PCDHGA6: variants seen among roughly 807,000 people sequenced by gnomAD.
PCDHGA6 encodes the protein protocadherin gamma-A6.
PCDHGA6 carries 41 observed loss-of-function variants against 60.6 expected under a neutral mutation model. The observed-to-expected ratio is 0.68, with a 90% CI of 0.53 to 0.88. The LOEUF is 0.88. Ranked by LOEUF, PCDHGA6 falls within the 40% of genes least tolerant of loss-of-function variation. The pLI, the probability that PCDHGA6 is intolerant of heterozygous loss-of-function variation, is 0.00. For missense variants in PCDHGA6, 1,312 were observed against 1,203.0 expected (o/e 1.09, Z -1.34); for synonymous variants, 594 against 524.4 (o/e 1.13, Z -1.81).
At chr5:141,402,807 T>TA in intron 1 of PCDHGA6, 1 of 1,165,464 alleles carries the variant, frequency 8.6e-7, no homozygotes, top group Non-Finnish European at 1.2e-6. Flanking sequence ...ACCCGGCAGA[T>TA]ACCACAAACC....
At chr5:141,408,929 A>G in intron 1 of PCDHGA6, 1 of 1,613,518 alleles carries the variant, frequency 6.2e-7, no homozygotes, top group Non-Finnish European at 8.5e-7. Context: ...CCCGGTTTTC[A>G]GCAGAGACGA....
intron 1 of PCDHGA6, among the ~76,000 whole-genome samples, chr5:141,402,262 TA>T (rs1248031439): frequency 6.6e-6 from 1 of 151,912 alleles, no homozygotes; most frequent in Non-Finnish European, 1.5e-5. Context: ...CCCCAGAAAA[TA>T]ATTTCAAAGT....
rs2099417434 is a variant in PCDHGA6, at chr5:141,477,762, C to T, written c.2425-17045C>T. 1 of 1,613,968 alleles carries T rather than the reference C, an allele frequency of 6.2e-7. No homozygotes were observed. The highest frequency in any genetic ancestry group is 8.5e-7 in the Non-Finnish European group (1 of 1,180,032). On this transcript the variant is annotated intron_variant, in intron 1 of 3. Transcript: ENST00000517434. This position sits in a 1 kb window ranked among gnomAD's most constrained non-coding sequence, Gnocchi z 4.9. ...GATGGGGGCACCCCGGTCCTAGCCA[C>T]CAACATCAGCGTGAACATATTTGTC...
chr5:141,464,898 C>T (rs969877255), intron 1 of PCDHGA6, among the ~76,000 whole-genome samples: 4 of 151,958 alleles, frequency 2.6e-5, no homozygotes, highest in African/African-American at 4.8e-5. Flanking sequence ...GCCACCATGT[C>T]CAGCTAATTT....
In PCDHGA6 at chr5:141,374,464, T is replaced by C; in HGVS notation, c.381T>C (p.Asn127=). 6.2e-7 allele frequency: 1 copy of C among 1,613,434 alleles called. No individual in the cohort carries two copies. Among genetic ancestry groups the C allele is most frequent in the Non-Finnish European group, 8.5e-7 (1 of 1,179,422 alleles). Residue 127 remains asparagine (N), a synonymous_variant, in exon 1 of 4, where the codon AAT becomes AAC. Transcript: ENST00000517434. ...YPVEVEIVDI[N]DNTPRFLKEE... is the part of the protein sequence containing the mutation. Reference sequence around the variant, plus strand: ...TGGAAGTGGAAATAGTGGACATTAATGACAATACACCCCGATTCTTAAAGG... The same window carrying C: ...TGGAAGTGGAAATAGTGGACATTAACGACAATACACCCCGATTCTTAAAGG...
At chr5:141,503,836 A>G (rs1260399957) in intron 2 of PCDHGA6, among the ~76,000 whole-genome samples, 4 of 152,142 alleles carry the variant, frequency 2.6e-5, no homozygotes, top group Admixed American at 6.5e-5. Flanking sequence ...AAAAGCAGGG[A>G]CAGACCTTGG....
chr5:141,409,275 A>G (rs1266955919), intron 1 of PCDHGA6: 1 of 1,614,020 alleles, frequency 6.2e-7, no homozygotes, highest in South Asian at 1.1e-5. Flanking sequence ...CAGATTTTGG[A>G]GAATTCACCT....
At chr5:141,509,670 T>G (rs2099877782) in intron 3 of PCDHGA6, among the ~76,000 whole-genome samples, 1 of 152,136 alleles carries the variant, frequency 6.6e-6, no homozygotes, top group African/African-American at 2.4e-5. Flanking sequence ...TGGGCCCCAG[T>G]TTCTTCTTCT....
chr5:141,423,159 G>A lies in PCDHGA6; in HGVS notation c.2424+46652G>A, dbSNP rs750186629. On this transcript the variant is annotated intron_variant, in intron 1 of 3. Transcript: ENST00000517434. Reference sequence around the variant, plus strand: ...GAGACGCGCTCAAGCAGAGCCTCGTGGTGGCCGTCCAGGACCACGGCCAGC... The same window carrying A: ...GAGACGCGCTCAAGCAGAGCCTCGTAGTGGCCGTCCAGGACCACGGCCAGC... The A allele has an allele frequency of 1.9e-5, 31 of 1,610,746 alleles. 1 individual carries two copies. The highest frequency in any genetic ancestry group is 3.3e-4 in the Middle Eastern group (2 of 6,080).
intron 1 of PCDHGA6, chr5:141,441,955 A>G: frequency 3.1e-6 from 1 of 320,028 alleles, no homozygotes; most frequent in Non-Finnish European, 6.0e-6. Context: ...GCAGGCCAGC[A>G]AGCCCAGGCT....
At position 141,487,577 on chromosome 5, in the gene PCDHGA6, C is replaced by T; in HGVS notation, c.2425-7230C>T. 1 of 1,614,150 alleles carries T rather than the reference C, an allele frequency of 6.2e-7. No homozygotes were observed. Among genetic ancestry groups the T allele is most frequent in the Non-Finnish European group, 8.5e-7 (1 of 1,180,024 alleles). On this transcript the variant is annotated intron_variant, in intron 1 of 3. Transcript: ENST00000517434. This position sits in a 1 kb window ranked among gnomAD's most constrained non-coding sequence, Gnocchi z 5.0. ...ACCTATGGCAGGGGAGCCTGTTCGCCCAAGCTGCCCACCCTCTGATCTTCT... is the reference window on the plus strand; with the variant it reads ...ACCTATGGCAGGGGAGCCTGTTCGCTCAAGCTGCCCACCCTCTGATCTTCT...
chr5:141,507,101 T>C (rs1341285140), intron 3 of PCDHGA6: 2 of 152,204 alleles, frequency 1.3e-5, no homozygotes, highest in African/African-American at 2.4e-5. Flanking sequence ...CTTTCTACTA[T>C]AGGGACCATG....
chr5:141,409,442 C>T, intron 1 of PCDHGA6: 2 of 1,613,998 alleles, frequency 1.2e-6, no homozygotes, highest in Non-Finnish European at 1.7e-6. Flanking sequence ...GGACCGAGAG[C>T]AGACACCAGA....
chr5:141,416,585 A>T (rs2096043494), intron 1 of PCDHGA6: 2 of 152,244 alleles, frequency 1.3e-5, no homozygotes, highest in Non-Finnish European at 2.9e-5. Context: ...GAGGCAAAAT[A>T]AACTTAGAGT....
chr5:141,409,629 C>T (rs1379627250), intron 1 of PCDHGA6: 3 of 1,613,860 alleles, frequency 1.9e-6, no homozygotes, highest in East Asian at 4.5e-5. Flanking sequence ...CAAGTGAGCG[C>T]CTCTGACCCG....
chr5:141,415,590 A>G lies in PCDHGA6; in HGVS notation c.2424+39083A>G, dbSNP rs201666137. On this transcript the variant is annotated intron_variant, in intron 1 of 3. Transcript: ENST00000517434. ...TGTTAGATGATTCGAAGTTTCCTAT[A>G]GAGGATACCCCATTGGTTCCAGTGA... 60 of 1,613,946 alleles carry G rather than the reference A, an allele frequency of 3.7e-5. 1 individual carries two copies. The African/African-American group carries it at 7.2e-4, about 19-fold the overall frequency.
Position 141,486,484 on chromosome 5 carries a change from C to A in PCDHGA6, c.2425-8323C>A. On this transcript the variant is annotated intron_variant, in intron 1 of 3. Transcript: ENST00000517434. This position sits in a 1 kb window ranked among gnomAD's most constrained non-coding sequence, Gnocchi z 5.0. ...ATGCTGGGAACCCTCCTCTCAGTAC[C>A]CACAGAACTATTTTCCTCAATATTT... is the stretch of plus-strand genomic sequence containing the variant. 5 of 1,614,102 alleles carry A rather than the reference C, an allele frequency of 3.1e-6. No homozygotes were observed. Among genetic ancestry groups the A allele is most frequent in the Non-Finnish European group, 4.2e-6 (5 of 1,179,930 alleles).
rs1460389320 is a variant in PCDHGA6 at position 141,490,134 on chromosome 5, C to T, written c.2425-4673C>T. The T allele has an allele frequency of 2.5e-6, 4 of 1,614,114 alleles. No homozygotes were observed. Among genetic ancestry groups the T allele is most frequent in the Admixed American group, 3.3e-5 (2 of 59,998 alleles). ...GGAACCTCTTTGGCCTAGACCCTAG[C>T]AGTGGGGCAATCCATGTGTTGGGTC... On this transcript the variant is annotated intron_variant, in intron 1 of 3. Coordinates refer to ENST00000517434, the MANE Select transcript of PCDHGA6 (RefSeq NM_018919.3). This position sits in a 1 kb window ranked among gnomAD's most constrained non-coding sequence, Gnocchi z 5.4.
At chr5:141,399,002 C>G in intron 1 of PCDHGA6, 6 of 1,613,830 alleles carry the variant, frequency 3.7e-6, no homozygotes, top group Non-Finnish European at 4.2e-6. Context: ...AGTCTGAATT[C>G]AAAGAGCGGA....
Sources: gnomAD v4.1 joint callset for allele counts (sites outside exome capture counted in the v4.1 genomes callset) on GRCh38, gnomAD v4.1.1 for gene constraint, Gnocchi (gnomAD v3.1) non-coding constraint, MANE v1.5 for transcripts, NCBI Gene and HGNC (gene_info 2026-07-23, HGNC 2026-07-21) for gene names.